LMF1: variants seen among roughly 807,000 people sequenced by gnomAD.
LMF1 encodes the protein lipase maturation factor 1.
A neutral mutation model predicts 60.6 loss-of-function variants in LMF1; 68 were observed. The ratio of observed to expected loss-of-function variants is 1.12; its 90% CI spans 0.92 to 1.37. The LOEUF is 1.37. LMF1 is among the 40% of genes most tolerant of loss of function. LMF1 has a pLI of 0.00. For missense variants in LMF1, 948 were observed against 767.2 expected (o/e 1.24, Z -2.78); for synonymous variants, 418 against 324.7 (o/e 1.29, Z -3.09).
At chr16:890,587 C>T (rs1034207275) in intron 5 of LMF1, among the ~76,000 whole-genome samples, 2 of 152,232 alleles carry the variant, frequency 1.3e-5, no homozygotes, top group African/African-American at 4.8e-5. Context: ...CCCTGCACTC[C>T]AGCCTCAGTG....
chr16:877,542 C>T (rs1185213902), intron 6 of LMF1, among the ~76,000 whole-genome samples: 4 of 152,148 alleles, frequency 2.6e-5, no homozygotes, highest in South Asian at 2.1e-4. Flanking sequence ...ACGTTACAGA[C>T]GAAACAACAA....
At chr16:860,543 G>A (rs954404364) in intron 10 of LMF1, among the ~76,000 whole-genome samples, 3 of 152,016 alleles carry the variant, frequency 2.0e-5, no homozygotes, top group Non-Finnish European at 4.4e-5. Flanking sequence ...GTTTTGCCAC[G>A]TTGCTCAGGC....
chr16:873,198 C>A (rs1230224432), intron 6 of LMF1: 3 of 152,314 alleles, frequency 2.0e-5, no homozygotes, highest in Admixed American at 6.5e-5. Flanking sequence ...GCGTAGAGTG[C>A]ACGGCCTGAG....
intron 3 of LMF1, among the ~76,000 whole-genome samples, chr16:912,882 A>G (rs1328782993): frequency 6.6e-6 from 1 of 152,218 alleles, no homozygotes; most frequent in Non-Finnish European, 1.5e-5. Context: ...GTCCCCAGGA[A>G]AGTCAATAAG....
chr16:855,671 C>T (rs1255326314), intron 10 of LMF1: 1 of 455,528 alleles, frequency 2.2e-6, no homozygotes, highest in South Asian at 1.5e-5. Context: ...GGATCCATGG[C>T]AGAGCTGGGC....
At chr16:979,457 A>C in intron 1 of LMF1, 2 of 349,730 alleles carry the variant, frequency 5.7e-6, no homozygotes, top group Non-Finnish European at 1.1e-5. Flanking sequence ...CCTGGTGATC[A>C]CTGCAACCTG....
rs568608306 is a variant in LMF1 at position 977,311 on chromosome 16, G to A, written c.-135+3834C>T. 3.1e-3 allele frequency among the ~76,000 whole-genome samples: 473 copies of A among 152,322 alleles called. 3 individuals carry two copies. Among genetic ancestry groups the A allele is most frequent in the African/African-American group, 0.011 (449 of 41,578 alleles). Reference sequence around the variant, plus strand: ...ACCCAGCCCAGAGCTCCAAGTGTGCGTGGCCAAGAAGCTGACTCCCGAAGG... The same window carrying A: ...ACCCAGCCCAGAGCTCCAAGTGTGCATGGCCAAGAAGCTGACTCCCGAAGG... On this transcript the variant is annotated intron_variant, in intron 1 of 6. Transcript: ENST00000570014.
intron 3 of LMF1, among the ~76,000 whole-genome samples, chr16:930,153 G>A (rs1428983875): frequency 2.9e-5 from 4 of 138,750 alleles, no homozygotes; most frequent in East Asian, 2.0e-4. Flanking sequence ...GAACGGGGGC[G>A]CAGGACCCTG....
At chr16:882,207 G>A (rs1032502716) in intron 5 of LMF1, among the ~76,000 whole-genome samples, 1 of 152,236 alleles carries the variant, frequency 6.6e-6, no homozygotes, top group Admixed American at 6.5e-5. Flanking sequence ...AAATGTAACA[G>A]ACATGGGGCT....
At chr16:931,517 A>G (rs938022475) in intron 3 of LMF1, 14 of 706,130 alleles carry the variant, frequency 2.0e-5, no homozygotes, top group Admixed American at 6.7e-5. Flanking sequence ...CACAAACTGC[A>G]TTCTCCCAGG....
chr16:943,605 T>C (rs1016227830), intron 2 of LMF1, among the ~76,000 whole-genome samples: 3 of 151,078 alleles, frequency 2.0e-5, no homozygotes, highest in Admixed American at 1.3e-4. Context: ...TGCACACCTA[T>C]AATCCCAGCT....
chr16:952,786 A>G (rs1597064341), intron 2 of LMF1: 1 of 174,354 alleles, frequency 5.7e-6, no homozygotes, highest in Non-Finnish European at 1.3e-5. Flanking sequence ...CACCCACCCC[A>G]AACCAGCCTC....
chr16:949,342 A>G (rs1449616798), intron 2 of LMF1, among the ~76,000 whole-genome samples: 2 of 150,408 alleles, frequency 1.3e-5, no homozygotes, highest in Non-Finnish European at 3.0e-5. Context: ...GAGTCAGCCA[A>G]CGACAGAGTC....
At chr16:859,163 T>A (rs867250016) in intron 10 of LMF1, among the ~76,000 whole-genome samples, 440 of 90,412 alleles carry the variant, frequency 4.9e-3, no homozygotes, top group African/African-American at 0.026. Context: ...CAGTGGTGTC[T>A]CGGGACGGGT....
At chr16:919,482 C>T (rs1453842854) in intron 3 of LMF1, among the ~76,000 whole-genome samples, 1 of 152,210 alleles carries the variant, frequency 6.6e-6, no homozygotes, top group Non-Finnish European at 1.5e-5. Context: ...CGCGTGAGGA[C>T]AGCAGTGCCG....
At chr16:892,027 A>C (rs1366894348) in intron 5 of LMF1, among the ~76,000 whole-genome samples, 1 of 152,202 alleles carries the variant, frequency 6.6e-6, no homozygotes, top group Non-Finnish European at 1.5e-5. Context: ...GAGCCTGAAG[A>C]ATAAAGTCAG....
chr16:865,318 C>G (rs1048041449), intron 10 of LMF1, among the ~76,000 whole-genome samples: 1 of 152,198 alleles, frequency 6.6e-6, no homozygotes, highest in Non-Finnish European at 1.5e-5. Flanking sequence ...GATTGGAACT[C>G]AAGAGAAGGA....
intron 4 of LMF1, among the ~76,000 whole-genome samples, chr16:893,866 TCA>T (rs2151732548): frequency 6.6e-6 from 1 of 152,172 alleles, no homozygotes; most frequent in East Asian, 1.9e-4. Flanking sequence ...CCAGCGTCTC[TCA>T]CACACTGGTG....
intron 2 of LMF1, among the ~76,000 whole-genome samples, chr16:940,572 G>A (rs766404994): frequency 6.6e-6 from 1 of 152,196 alleles, no homozygotes; most frequent in Non-Finnish European, 1.5e-5. Context: ...AAAGATGGAT[G>A]TCCCAGAAGA....
Sources: allele counts gnomAD v4.1 joint callset (sites outside exome capture counted in the v4.1 genomes callset), GRCh38; gene constraint gnomAD v4.1.1; transcripts MANE v1.5; gene names NCBI Gene and HGNC (gene_info 2026-07-23, HGNC 2026-07-21).